Variants in PREX1 observed in about 807,000 individuals in gnomAD.
The protein encoded by PREX1 is phosphatidylinositol 3,4,5-trisphosphate-dependent Rac exchanger 1 protein.
Under a neutral mutation model 198.3 loss-of-function variants are expected in PREX1, and 41 were observed. That is an observed-to-expected ratio of 0.21 (90% CI 0.16 to 0.27). PREX1 has a LOEUF of 0.27. Among genes scored for constraint, PREX1 ranks in the 10% least tolerant of loss-of-function variants. The pLI, the probability that PREX1 is intolerant of heterozygous loss-of-function variation, is 1.00. For missense variants in PREX1, 1,620 were observed against 2,200.7 expected (o/e 0.74, Z 5.28); for synonymous variants, 843 against 887.2 (o/e 0.95, Z 0.89).
At chr20:48,738,590 C>T (rs1357884002) in intron 3 of PREX1, among the ~76,000 whole-genome samples, 1 of 152,202 alleles carries the variant, frequency 6.6e-6, no homozygotes, top group Non-Finnish European at 1.5e-5. Context: ...GGAGGCCCGA[C>T]ATGGGGCTCT....
chr20:48,847,879 T>G, the PREX1 span, among the ~76,000 whole-genome samples: 3 of 152,346 alleles, frequency 2.0e-5, no homozygotes, highest in Non-Finnish European at 2.9e-5. Flanking sequence ...TGCTTTTTTG[T>G]GTCTGGTTTC....
At chr20:48,645,427 A>C (rs1047049357) in intron 26 of PREX1, among the ~76,000 whole-genome samples, 5 of 152,220 alleles carry the variant, frequency 3.3e-5, no homozygotes, top group Non-Finnish European at 5.9e-5. Context: ...AACCAGTAGA[A>C]AATTTAGATC....
chr20:48,665,898 C>T (rs1040413685), intron 15 of PREX1, among the ~76,000 whole-genome samples: 1 of 152,172 alleles, frequency 6.6e-6, no homozygotes, highest in Non-Finnish European at 1.5e-5. Flanking sequence ...CTGCCTCTCA[C>T]ATTCACAACC....
chr20:48,840,325 G>A, the PREX1 span, among the ~76,000 whole-genome samples: 1 of 138,482 alleles, frequency 7.2e-6, no homozygotes, highest in South Asian at 2.3e-4. Flanking sequence ...ACGACGGCAA[G>A]TATTAACCTT....
chr20:48,669,903 C>T (rs2089663832), intron 14 of PREX1, among the ~76,000 whole-genome samples: 1 of 152,030 alleles, frequency 6.6e-6, no homozygotes, highest in Non-Finnish European at 1.5e-5. Context: ...TTACACAGGA[C>T]CCCAGACAGC....
chr20:48,777,995 A>C (rs1568860742), intron 1 of PREX1, among the ~76,000 whole-genome samples: 1 of 152,154 alleles, frequency 6.6e-6, no homozygotes, highest in East Asian at 1.9e-4. Context: ...GCTGGCCAGG[A>C]GTAGTACAAA....
the PREX1 span, among the ~76,000 whole-genome samples, chr20:48,865,038 G>T: frequency 6.6e-6 from 1 of 152,002 alleles, no homozygotes; most frequent in Non-Finnish European, 1.5e-5. Context: ...GGCAGGGTTG[G>T]GGGGGGTCTT....
At chr20:48,690,689 C>T (rs1258860652) in intron 9 of PREX1, among the ~76,000 whole-genome samples, 1 of 152,170 alleles carries the variant, frequency 6.6e-6, no homozygotes, top group African/African-American at 2.4e-5. Flanking sequence ...ATCTTGAGTC[C>T]TAATGCTTAA....
intron 33 of PREX1, among the ~76,000 whole-genome samples, chr20:48,633,606 G>C (rs1484955234): frequency 6.6e-6 from 1 of 152,152 alleles, no homozygotes. Flanking sequence ...TGAGGCCGTA[G>C]TTCTGGCTGG....
chr20:48,885,489 G>A, the PREX1 span, among the ~76,000 whole-genome samples: 174 of 152,274 alleles, frequency 1.1e-3, 3 homozygotes, highest in East Asian at 0.026. Context: ...CTGAAGACAG[G>A]TTGGCAGTTT....
At chr20:48,639,257 A>T (rs780653180) in intron 30 of PREX1, among the ~76,000 whole-genome samples, 1 of 152,204 alleles carries the variant, frequency 6.6e-6, no homozygotes, top group Non-Finnish European at 1.5e-5. Flanking sequence ...TAGAGTCACC[A>T]GATCTTCGTG....
the PREX1 span, among the ~76,000 whole-genome samples, chr20:48,873,105 T>C: frequency 6.6e-6 from 1 of 152,210 alleles, no homozygotes; most frequent in African/African-American, 2.4e-5. Flanking sequence ...CTCTGGCCAT[T>C]GGACTCAGCT....
At chr20:48,749,754 C>T (rs1282344528) in intron 1 of PREX1, among the ~76,000 whole-genome samples, 1 of 152,170 alleles carries the variant, frequency 6.6e-6, no homozygotes, top group Non-Finnish European at 1.5e-5. Flanking sequence ...CTCAGCCAGT[C>T]TTGGGGCTTT....
chr20:48,863,372 C>G, the PREX1 span, among the ~76,000 whole-genome samples: 1 of 152,108 alleles, frequency 6.6e-6, no homozygotes, highest in African/African-American at 2.4e-5. Flanking sequence ...GTATGACATG[C>G]ATCCACCATT....
chr20:48,788,490 G>C (rs903424696), intron 1 of PREX1, among the ~76,000 whole-genome samples: 1 of 152,146 alleles, frequency 6.6e-6, no homozygotes, highest in African/African-American at 2.4e-5. Context: ...GATGCTGCTT[G>C]AAAGGTGTTG....
At chr20:48,643,948 A>T (rs991602324) in intron 27 of PREX1, among the ~76,000 whole-genome samples, 3 of 152,260 alleles carry the variant, frequency 2.0e-5, no homozygotes, top group African/African-American at 7.2e-5. Context: ...AAGTGCTGGG[A>T]TTACAGGCGT....
At chr20:48,626,386 C>T (rs935315120) in intron 39 of PREX1, among the ~76,000 whole-genome samples, 2 of 152,218 alleles carry the variant, frequency 1.3e-5, no homozygotes, top group Admixed American at 6.5e-5. Flanking sequence ...ATGTGGTCAG[C>T]GCTCGGACTC....
chr20:48,792,277 C>G lies in PREX1; in HGVS notation c.219+35365G>C, dbSNP rs201914581. Among the ~76,000 whole-genome samples the G allele has an allele frequency of 2.1e-4, 32 of 152,158 alleles. No individual in the cohort carries two copies. The East Asian group carries it at 5.6e-3, about 27-fold the overall frequency. On this transcript the variant is annotated intron_variant, in intron 1 of 39. Transcript: ENST00000371941. Reference sequence around the variant, plus strand: ...CCTGAGGTCAGGAGTTCGAGACCAGCCTGACCAACATGGAGAAACCCGGTC... The same window carrying G: ...CCTGAGGTCAGGAGTTCGAGACCAGGCTGACCAACATGGAGAAACCCGGTC...
chr20:48,825,726 A>G (rs2090505735), intron 1 of PREX1, among the ~76,000 whole-genome samples: 1 of 151,804 alleles, frequency 6.6e-6, no homozygotes, highest in South Asian at 2.1e-4. Flanking sequence ...TTCTCTTCCA[A>G]GCAGAGGAGC....
Sources: gnomAD v4.1 joint callset for allele counts (sites outside exome capture counted in the v4.1 genomes callset) on GRCh38, gnomAD v4.1.1 for gene constraint, MANE v1.5 for transcripts, NCBI Gene and HGNC (gene_info 2026-07-23, HGNC 2026-07-21) for gene names.